ESR2: variants seen among roughly 807,000 people sequenced by gnomAD.
The protein encoded by ESR2 is estrogen receptor beta.
A neutral mutation model predicts 49.6 loss-of-function variants in ESR2; 36 were observed. The observed-to-expected ratio is 0.73, with a 90% confidence interval of 0.56 to 0.96. The LOEUF (loss-of-function observed/expected upper bound fraction) is 0.96. Ranked by LOEUF, ESR2 falls within the 40% of genes least tolerant of loss-of-function variation. The pLI is 0.00. For missense variants in ESR2, 714 were observed against 693.0 expected (o/e 1.03, Z -0.34); for synonymous variants, 320 against 266.1 (o/e 1.20, Z -1.97).
At position 64,257,268 on chromosome 14, in the gene ESR2, T is replaced by C; in HGVS notation, c.1049A>G (p.His350Arg). ...TGGAGCAAAGATGAGCTTGCCGGGG[T>C]GGTCAATTGAGCGCCACATCAGCCC... The part of the protein sequence containing the change: ...MMGLMWRSID[H>R]PGKLIFAPDL... The change falls in exon 6 of 9, where the codon CAC becomes CGC. Residue 350 changes from histidine (H) to arginine (R), a missense_variant. Transcript: ENST00000341099. The C allele has an allele frequency of 6.2e-7, 1 of 1,613,938 alleles. No homozygotes were observed. Among genetic ancestry groups the C allele is most frequent in the Non-Finnish European group, 8.5e-7 (1 of 1,179,982 alleles).
chr14:64,324,620 A>AACAGCTGTTCATAAAGATGAT (rs1181945290), intron 1 of ESR2, among the ~76,000 whole-genome samples: 12 of 152,192 alleles, frequency 7.9e-5, no homozygotes, highest in Non-Finnish European at 1.5e-4. Context: ...ATGATTCACA[A>AACAGCTGTTCATAAAGATGAT]ACAGCTGTTC....
At chr14:64,308,085 C>A (rs1235072172) in intron 1 of ESR2, among the ~76,000 whole-genome samples, 3 of 151,860 alleles carry the variant, frequency 2.0e-5, no homozygotes, top group Admixed American at 6.6e-5. Flanking sequence ...CATGAACATG[C>A]CTCAGTGCAG....
intron 3 of ESR2, among the ~76,000 whole-genome samples, chr14:64,274,437 C>T (rs185004124): frequency 2.6e-5 from 4 of 152,082 alleles, no homozygotes; most frequent in Admixed American, 6.5e-5. Flanking sequence ...TAGATTTCTG[C>T]GGTATCAGTT....
At chr14:64,239,120 G>C (rs1383648835) in intron 7 of ESR2, among the ~76,000 whole-genome samples, 1 of 152,190 alleles carries the variant, frequency 6.6e-6, no homozygotes, top group Non-Finnish European at 1.5e-5. Flanking sequence ...TTGAGGAAAG[G>C]AACCTCTGGC....
At chr14:64,246,752 A>AAAC (rs2075867373) in intron 7 of ESR2, among the ~76,000 whole-genome samples, 1 of 146,076 alleles carries the variant, frequency 6.8e-6, no homozygotes, top group Admixed American at 6.7e-5. Flanking sequence ...AAAAAAAAAA[A>AAAC]AAAAAAAAAA....
chr14:64,311,652 A>G (rs934531508), intron 1 of ESR2, among the ~76,000 whole-genome samples: 1 of 151,252 alleles, frequency 6.6e-6, no homozygotes, highest in African/African-American at 2.4e-5. Context: ...CAGAAAAAAA[A>G]AAAAAAAAAA....
intron 3 of ESR2, among the ~76,000 whole-genome samples, chr14:64,273,789 A>G (rs928018509): frequency 3.3e-5 from 5 of 152,112 alleles, no homozygotes; most frequent in African/African-American, 1.2e-4. Context: ...GTATCACGGT[A>G]ATACTGGTCT....
At chr14:64,285,253 T>C (rs2076765616) in intron 1 of ESR2, among the ~76,000 whole-genome samples, 2 of 152,194 alleles carry the variant, frequency 1.3e-5, no homozygotes, top group African/African-American at 2.4e-5. Flanking sequence ...ATTCATGTTC[T>C]TAAAACCCAG....
At chr14:64,263,135 C>CA in intron 4 of ESR2, among the ~76,000 whole-genome samples, 1 of 152,164 alleles carries the variant, frequency 6.6e-6, no homozygotes, top group South Asian at 2.1e-4. Context: ...TGAAATTATA[C>CA]ATATTTTTAA....
chr14:64,261,957 T>C (rs570083772), intron 4 of ESR2, among the ~76,000 whole-genome samples: 2 of 152,236 alleles, frequency 1.3e-5, no homozygotes, highest in South Asian at 4.2e-4. Flanking sequence ...CTTACTATGT[T>C]ACCCAGTCCT....
At chr14:64,309,299 T>C (rs2077153781) in intron 1 of ESR2, among the ~76,000 whole-genome samples, 1 of 152,170 alleles carries the variant, frequency 6.6e-6, no homozygotes, top group Non-Finnish European at 1.5e-5. Flanking sequence ...TTTTAACAGG[T>C]TGTTTTATTC....
chr14:64,264,340 T>A (rs2076280003), intron 4 of ESR2, among the ~76,000 whole-genome samples: 1 of 152,166 alleles, frequency 6.6e-6, no homozygotes, highest in East Asian at 1.9e-4. Flanking sequence ...ATTCAGAAAA[T>A]TTGAACCAAA....
chr14:64,256,771 CAA>C (rs1049146379), intron 6 of ESR2, among the ~76,000 whole-genome samples: 2 of 151,410 alleles, frequency 1.3e-5, no homozygotes, highest in African/African-American at 2.4e-5. Context: ...CAAAAAAAAA[CAA>C]AAGAGTGAGT....
chr14:64,334,792 G>A (rs759481763), intron 1 of ESR2, among the ~76,000 whole-genome samples: 34 of 152,228 alleles, frequency 2.2e-4, no homozygotes, highest in Non-Finnish European at 3.8e-4. Flanking sequence ...GATTAAAGGC[G>A]TGTGACGCCA....
intron 7 of ESR2, among the ~76,000 whole-genome samples, chr14:64,235,480 G>A (rs1319537902): frequency 6.6e-6 from 1 of 152,238 alleles, no homozygotes; most frequent in African/African-American, 2.4e-5. Flanking sequence ...TGCAGCAACA[G>A]ATACAGAGAT....
At chr14:64,316,360 T>G (rs549494842) in intron 1 of ESR2, among the ~76,000 whole-genome samples, 4 of 152,244 alleles carry the variant, frequency 2.6e-5, no homozygotes, top group African/African-American at 7.2e-5. Context: ...CATATCCGGA[T>G]GGTCTCACTG....
At chr14:64,260,157 G>A (rs892916527) in intron 5 of ESR2, 2 of 643,320 alleles carry the variant, frequency 3.1e-6, no homozygotes, top group African/African-American at 3.5e-5. Flanking sequence ...GGAAAAGAAG[G>A]CAGTCAAGAA....
At chr14:64,273,565 T>C (rs948021956) in intron 3 of ESR2, among the ~76,000 whole-genome samples, 5 of 152,174 alleles carry the variant, frequency 3.3e-5, no homozygotes, top group African/African-American at 9.6e-5. Flanking sequence ...TGAAATTATA[T>C]GGTTTTCCAC....
intron 4 of ESR2, among the ~76,000 whole-genome samples, chr14:64,262,730 G>C (rs1053093702): frequency 6.6e-6 from 1 of 152,234 alleles, no homozygotes; most frequent in African/African-American, 2.4e-5. Context: ...GGGCAGCATG[G>C]TGAAACCCCA....
Sources: gnomAD v4.1 joint callset for allele counts (sites outside exome capture counted in the v4.1 genomes callset) on GRCh38, gnomAD v4.1.1 for gene constraint, MANE v1.5 for transcripts, NCBI Gene and HGNC (gene_info 2026-07-23, HGNC 2026-07-21) for gene names.